The following EPHB2 variants were observed in gnomAD, a reference collection of about 807,000 sequenced individuals.
EPHB2 encodes the protein EPH receptor B2.
EPHB2 carries 18 observed loss-of-function variants against 96.4 expected under a neutral mutation model. The observed-to-expected ratio is 0.19, with a 90% CI of 0.13 to 0.28. EPHB2 has a LOEUF of 0.28. Ranked by LOEUF, EPHB2 falls within the 10% of genes least tolerant of loss-of-function variation. The probability of loss-of-function intolerance (pLI) is 1.00; values close to 1 mark genes in which losing one functional copy is unlikely to be tolerated. For synonymous variants in EPHB2, 506 were observed against 534.1 expected (o/e 0.95, Z 0.72); for missense variants, 989 against 1,355.4 (o/e 0.73, Z 4.25).
intron 1 of EPHB2, among the ~76,000 whole-genome samples, chr1:22,759,232 G>T (rs985122647): frequency 1.3e-5 from 2 of 152,090 alleles, no homozygotes; most frequent in Non-Finnish European, 2.9e-5. Flanking sequence ...CAAGGGCTTT[G>T]AGCAAAACCC....
intron 3 of EPHB2, among the ~76,000 whole-genome samples, chr1:22,809,325 G>T (rs934626309): frequency 6.6e-6 from 1 of 152,208 alleles, no homozygotes; most frequent in African/African-American, 2.4e-5. Flanking sequence ...CTCAGAGCAA[G>T]ACAATTAAGT....
chr1:22,811,864 C>T (rs1645007208), intron 3 of EPHB2, among the ~76,000 whole-genome samples: 2 of 151,514 alleles, frequency 1.3e-5, no homozygotes, highest in African/African-American at 4.9e-5. Context: ...CATAGTGAGA[C>T]CCCATCTCTA....
intron 3 of EPHB2, among the ~76,000 whole-genome samples, chr1:22,788,329 A>C (rs1477023705): frequency 6.6e-6 from 1 of 152,168 alleles, no homozygotes; most frequent in Non-Finnish European, 1.5e-5. Flanking sequence ...CTGGACCTGA[A>C]AGCCTCCCCA....
chr1:22,735,086 G>T (rs577449636), intron 1 of EPHB2, among the ~76,000 whole-genome samples: 1 of 152,250 alleles, frequency 6.6e-6, no homozygotes, highest in South Asian at 2.1e-4. Context: ...CCTGTGGCCT[G>T]TGGGGCATGG....
At chr1:22,810,605 G>A (rs568540092) in intron 3 of EPHB2, among the ~76,000 whole-genome samples, 3 of 152,300 alleles carry the variant, frequency 2.0e-5, no homozygotes, top group East Asian at 3.9e-4. Context: ...CCACCTCTTG[G>A]GAGTTTCCCA....
intron 1 of EPHB2, among the ~76,000 whole-genome samples, chr1:22,712,715 G>A (rs1481178410): frequency 6.6e-6 from 1 of 152,216 alleles, no homozygotes; most frequent in Non-Finnish European, 1.5e-5. Flanking sequence ...CACGGGCCCT[G>A]GGTGTGGAGG....
chr1:22,916,769 T>G lies in EPHB2; in HGVS notation c.*3199T>G, dbSNP rs1640281279. 6.6e-6 allele frequency: 1 copy of G among 152,274 alleles called. No individual in the cohort carries two copies. The highest frequency in any genetic ancestry group is 2.1e-4 in the South Asian group (1 of 4,832). The allele number at this position is 152,274 out of a possible 1,614,324, so 9.4% of individuals were successfully genotyped here. A position where few individuals can be genotyped will look rare whatever the true frequency, so the allele number is the denominator to read the frequency against. On this transcript the variant is annotated 3_prime_UTR_variant, in exon 16 of 16. Coordinates refer to ENST00000374630, the MANE Select transcript of EPHB2 (RefSeq NM_017449.5). This position sits in a 1 kb window ranked among gnomAD's most constrained non-coding sequence, Gnocchi z 4.2. ...TGGTACTGCAGGAAAGAAAGCTGCC[T>G]TGTAAACACAGGCCAGGGCACCGTG...
At position 22,906,448 on chromosome 1, in the gene EPHB2, G is replaced by A. The variant is rs1359479004; in HGVS notation, c.1889-262G>A. ...TCCCAGTGCCTTTTCCCATCTCCCA[G>A]GTTCCCCTGCACCCTCACCCCCATG... On this transcript the variant is annotated intron_variant, in intron 10 of 15. Transcript: ENST00000374630. This position sits in a 1 kb window ranked among gnomAD's most constrained non-coding sequence, Gnocchi z 4.8. Among the ~76,000 whole-genome samples the A allele has an allele frequency of 6.6e-6, 1 of 152,052 alleles. No individual in the cohort carries two copies. Among genetic ancestry groups the A allele is most frequent in the African/African-American group, 2.4e-5 (1 of 41,392 alleles).
chr1:22,909,273 T>C, intron 13 of EPHB2, 102 bp downstream of exon 13: 1 of 1,574,274 alleles, frequency 6.4e-7, no homozygotes. Context: ...GTGTGGGACA[T>C]AGGCTTCTGA....
At chr1:22,904,243 A>T (rs545789699) in intron 9 of EPHB2, among the ~76,000 whole-genome samples, 2 of 149,776 alleles carry the variant, frequency 1.3e-5, no homozygotes, top group South Asian at 4.2e-4. Flanking sequence ...CAGTGAGCTG[A>T]GATTGTGCCA....
chr1:22,861,367 G>A (rs1310001504), intron 3 of EPHB2, among the ~76,000 whole-genome samples: 1 of 152,170 alleles, frequency 6.6e-6, no homozygotes, highest in Non-Finnish European at 1.5e-5. Flanking sequence ...GCCAGGTGTG[G>A]TGGCTTTTGC....
intron 3 of EPHB2, among the ~76,000 whole-genome samples, chr1:22,808,424 AC>A (rs1415945383): frequency 1.3e-5 from 2 of 152,196 alleles, no homozygotes; most frequent in Non-Finnish European, 2.9e-5. Context: ...CCCACAAGCT[AC>A]CTGTCTCCCT....
chr1:22,743,426 A>G (rs1643927944), intron 1 of EPHB2, among the ~76,000 whole-genome samples: 1 of 152,028 alleles, frequency 6.6e-6, no homozygotes, highest in African/African-American at 2.4e-5. Flanking sequence ...GGTCATCACT[A>G]CTTCATAATA....
At chr1:22,797,419 C>G (rs1227181503) in intron 3 of EPHB2, among the ~76,000 whole-genome samples, 1 of 152,118 alleles carries the variant, frequency 6.6e-6, no homozygotes, top group East Asian at 1.9e-4. Flanking sequence ...AGGGTCCCAC[C>G]CCCCTCCACC....
chr1:22,792,571 GTCCATCCATCCA>G (rs372019690), intron 3 of EPHB2, among the ~76,000 whole-genome samples: 1 of 151,660 alleles, frequency 6.6e-6, no homozygotes, highest in Non-Finnish European at 1.5e-5. Context: ...CCATCCATTG[GTCCATCCATCCA>G]TCCATCCATC....
At chr1:22,721,406 C>T (rs1203492415) in intron 1 of EPHB2, among the ~76,000 whole-genome samples, 1 of 152,172 alleles carries the variant, frequency 6.6e-6, no homozygotes, top group East Asian at 1.9e-4. Context: ...GGGAATAAAT[C>T]ACAAGAGTCT....
chr1:22,879,758 A>C (rs1277108157), intron 5 of EPHB2, among the ~76,000 whole-genome samples: 1 of 152,248 alleles, frequency 6.6e-6, no homozygotes, highest in South Asian at 2.1e-4. Flanking sequence ...TGACACCTGC[A>C]AACACCCACA....
intron 1 of EPHB2, among the ~76,000 whole-genome samples, chr1:22,711,664 TG>T (rs1423575706): frequency 6.6e-6 from 1 of 151,706 alleles, no homozygotes; most frequent in Non-Finnish European, 1.5e-5. Context: ...GCGCGGGGGA[TG>T]GGTCTGTGGG....
chr1:22,763,131 T>G (rs984783037), intron 1 of EPHB2, among the ~76,000 whole-genome samples: 1 of 152,168 alleles, frequency 6.6e-6, no homozygotes, highest in Non-Finnish European at 1.5e-5. Context: ...AGGACATCCA[T>G]GGAGGACCTG....
Sources: allele counts gnomAD v4.1 joint callset (sites outside exome capture counted in the v4.1 genomes callset), GRCh38; gene constraint gnomAD v4.1.1; non-coding constraint Gnocchi (gnomAD v3.1); transcripts MANE v1.5; gene names NCBI Gene and HGNC (gene_info 2026-07-23, HGNC 2026-07-21).